EXOC4: variants seen among roughly 807,000 people sequenced by gnomAD.
EXOC4 encodes exocyst complex component 4.
In EXOC4, 71 loss-of-function variants were observed where a neutral mutation model predicts 107.2. That is an observed-to-expected ratio of 0.66 (90% CI 0.55 to 0.81). The LOEUF is 0.81. Among genes scored for constraint, EXOC4 ranks in the 30% least tolerant of loss-of-function variants. EXOC4 has a pLI of 0.00. For synonymous variants in EXOC4, 456 were observed against 441.2 expected, an observed-to-expected ratio of 1.03 and a Z score of -0.42; for missense variants, 1,108 against 1,189.6, an observed-to-expected ratio of 0.93 and a Z score of 1.01.
At chr7:133,647,779 C>T (rs371225384) in intron 10 of EXOC4, among the ~76,000 whole-genome samples, 5 of 152,194 alleles carry the variant, frequency 3.3e-5, no homozygotes, top group African/African-American at 1.2e-4. Context: ...AACAGATAAT[C>T]CAGTTTGACT....
At chr7:133,926,379 A>G (rs1188738702) in intron 13 of EXOC4, among the ~76,000 whole-genome samples, 1 of 152,328 alleles carries the variant, frequency 6.6e-6, no homozygotes, top group East Asian at 1.9e-4. Flanking sequence ...TGATCATCAT[A>G]ATCTTGACTG....
intron 10 of EXOC4, among the ~76,000 whole-genome samples, chr7:133,633,981 T>C (rs1373424905): frequency 6.6e-6 from 1 of 151,886 alleles, no homozygotes; most frequent in African/African-American, 2.4e-5. Flanking sequence ...TTAAAATCAT[T>C]CAGTTCATAA....
intron 7 of EXOC4, among the ~76,000 whole-genome samples, chr7:133,412,051 T>G (rs1276140867): frequency 6.6e-6 from 1 of 152,086 alleles, no homozygotes; most frequent in East Asian, 1.9e-4. Context: ...TACTTCTAAG[T>G]GTGGCTTTGA....
chr7:133,577,430 A>C (rs1036684665), intron 9 of EXOC4, among the ~76,000 whole-genome samples: 3 of 152,176 alleles, frequency 2.0e-5, no homozygotes, highest in African/African-American at 4.8e-5. Flanking sequence ...TATTTTTACA[A>C]ATTATTCCAA....
At chr7:133,813,483 A>T (rs542385480) in intron 10 of EXOC4, among the ~76,000 whole-genome samples, 2 of 152,238 alleles carry the variant, frequency 1.3e-5, no homozygotes, top group Non-Finnish European at 2.9e-5. Context: ...TAGCAAATTA[A>T]TAACAGTGGT....
intron 10 of EXOC4, among the ~76,000 whole-genome samples, chr7:133,797,663 T>C (rs990219383): frequency 9.2e-5 from 14 of 152,146 alleles, no homozygotes; most frequent in Admixed American, 1.3e-4. Context: ...AGTAAAGACA[T>C]CATCTCTATT....
At chr7:133,556,053 T>C (rs1800683966) in intron 9 of EXOC4, among the ~76,000 whole-genome samples, 1 of 152,226 alleles carries the variant, frequency 6.6e-6, no homozygotes, top group South Asian at 2.1e-4. Context: ...CTAGTCTTGC[T>C]GAATCACTAA....
At chr7:133,282,839 T>A (rs1794188734) in intron 2 of EXOC4, among the ~76,000 whole-genome samples, 1 of 152,200 alleles carries the variant, frequency 6.6e-6, no homozygotes, top group African/African-American at 2.4e-5. Flanking sequence ...ACATTGTTAT[T>A]AACTGTAGTC....
intron 9 of EXOC4, among the ~76,000 whole-genome samples, chr7:133,564,408 C>G (rs1800867487): frequency 6.6e-6 from 1 of 152,122 alleles, no homozygotes; most frequent in Non-Finnish European, 1.5e-5. Context: ...CACCTCCTAC[C>G]AGGCTCTACC....
intron 14 of EXOC4, among the ~76,000 whole-genome samples, chr7:133,983,297 A>G (rs1459154081): frequency 1.3e-5 from 2 of 152,188 alleles, no homozygotes. Flanking sequence ...TGAGGTTTAG[A>G]GAGGACACCT....
At chr7:133,490,055 G>A (rs372825152) in intron 9 of EXOC4, among the ~76,000 whole-genome samples, 15 of 152,176 alleles carry the variant, frequency 9.9e-5, no homozygotes, top group Admixed American at 2.0e-4. Context: ...GTGTGTGAAG[G>A]TGTGGATATG....
intron 7 of EXOC4, among the ~76,000 whole-genome samples, chr7:133,431,652 C>T (rs985857483): frequency 4.6e-5 from 7 of 152,112 alleles, no homozygotes; most frequent in African/African-American, 1.7e-4. Context: ...TGTAGCATAG[C>T]TTAAGTAAGC....
chr7:133,792,322 GT>G (rs1796719834), intron 10 of EXOC4, among the ~76,000 whole-genome samples: 2 of 152,078 alleles, frequency 1.3e-5, no homozygotes, highest in Admixed American at 6.5e-5. Context: ...GGAGGCCAAG[GT>G]GAGAGGATCA....
chr7:133,855,555 CATTT>C (rs1422455432), intron 11 of EXOC4, among the ~76,000 whole-genome samples: 1 of 152,092 alleles, frequency 6.6e-6, no homozygotes, highest in Non-Finnish European at 1.5e-5. Flanking sequence ...TCTCCACATT[CATTT>C]TTCTCCACCC....
At chr7:133,580,816 G>A (rs942925100) in intron 9 of EXOC4, among the ~76,000 whole-genome samples, 1 of 152,172 alleles carries the variant, frequency 6.6e-6, no homozygotes, top group African/African-American at 2.4e-5. Context: ...TACTGAATGT[G>A]GATTCGTGTC....
At chr7:133,712,179 C>T (rs1323690078) in intron 10 of EXOC4, among the ~76,000 whole-genome samples, 2 of 152,084 alleles carry the variant, frequency 1.3e-5, no homozygotes, top group Non-Finnish European at 2.9e-5. Flanking sequence ...GTGGCTCACG[C>T]CTGTAATCCC....
intron 9 of EXOC4, among the ~76,000 whole-genome samples, chr7:133,593,878 CAA>C (rs908562401): frequency 6.6e-6 from 1 of 152,026 alleles, no homozygotes; most frequent in African/African-American, 2.4e-5. Flanking sequence ...AATATTAAAA[CAA>C]GAGTTTTGTA....
intron 4 of EXOC4, among the ~76,000 whole-genome samples, chr7:133,309,123 A>G (rs964485217): frequency 1.3e-5 from 2 of 152,202 alleles, no homozygotes; most frequent in African/African-American, 4.8e-5. Flanking sequence ...GATAGAAGCC[A>G]CATCTGAAAC....
intron 10 of EXOC4, among the ~76,000 whole-genome samples, chr7:133,677,718 A>G (rs1794095291): frequency 2.6e-5 from 4 of 152,114 alleles, no homozygotes; most frequent in Admixed American, 2.6e-4. Flanking sequence ...ACTTTCTCCT[A>G]CCCCAAGGCC....
Sources: allele counts gnomAD v4.1 joint callset (sites outside exome capture counted in the v4.1 genomes callset), GRCh38; gene constraint gnomAD v4.1.1; transcripts MANE v1.5; gene names NCBI Gene and HGNC (gene_info 2026-07-23, HGNC 2026-07-21).